Variants in G6PC1 observed in about 807,000 individuals in gnomAD.
G6PC1 encodes the protein glucose-6-phosphatase catalytic subunit 1, also known as G-6-Pase.
Under a neutral mutation model 30.4 loss-of-function variants are expected in G6PC1, and 23 were observed. The ratio of observed to expected loss-of-function variants is 0.76; its 90% CI spans 0.55 to 1.07. The LOEUF (loss-of-function observed/expected upper bound fraction) is 1.07, where lower values mean the gene tolerates loss of function less well. Among genes scored for constraint, G6PC1 ranks in the 50% least tolerant of loss-of-function variants. The pLI is 0.00. For synonymous variants in G6PC1, 163 were observed against 175.6 expected, an observed-to-expected ratio of 0.93 and a Z score of 0.57; for missense variants, 391 against 433.9, an observed-to-expected ratio of 0.90 and a Z score of 0.88.
rs2056098829 is a variant in G6PC1 at position 42,911,872 on chromosome 17, G to T, written c.*446G>T. On this transcript the variant is annotated 3_prime_UTR_variant, in exon 5 of 5. Transcript: ENST00000253801. ...TTTGAAAAGCTAATGAAGCTATTGAGAAAGACCTGTTGCTAGAAGTTGGGT... is the reference window on the plus strand; with the variant it reads ...TTTGAAAAGCTAATGAAGCTATTGATAAAGACCTGTTGCTAGAAGTTGGGT... 1 of 197,008 alleles carries T rather than the reference G, an allele frequency of 5.1e-6. No individual in the cohort carries two copies. Among genetic ancestry groups the T allele is most frequent in the Non-Finnish European group, 1.1e-5 (1 of 94,652 alleles). 12.2% of individuals were successfully genotyped at this position (197,008 alleles called of 1,614,324 possible).
At chr17:42,909,983 C>A (rs550731327) in intron 4 of G6PC1, among the ~76,000 whole-genome samples, 1 of 152,020 alleles carries the variant, frequency 6.6e-6, no homozygotes, top group Admixed American at 6.6e-5. Flanking sequence ...CTGCCTCAGC[C>A]TCTCCGAGTA....
At chr17:42,903,469 T>A (rs1436104379) in intron 1 of G6PC1, among the ~76,000 whole-genome samples, 1 of 151,756 alleles carries the variant, frequency 6.6e-6, no homozygotes, top group African/African-American at 2.4e-5. Flanking sequence ...ATCCCAGCAC[T>A]TTGGGAGGCT....
intron 2 of G6PC1, among the ~76,000 whole-genome samples, chr17:42,906,839 C>T (rs879329899): frequency 1.3e-5 from 2 of 152,032 alleles, no homozygotes; most frequent in African/African-American, 2.4e-5. Context: ...ATGATCATGG[C>T]ACTGCATTGC....
Position 42,907,617 on chromosome 17 carries a change from C to G in G6PC1, c.435C>G (p.Thr145=), listed in dbSNP as rs745770086. ...TCTTTCAGGGAAAGATAAAGCCGAC[C>G]TACAGATTTCGGTAAGAACTCACCA... ...LSIFQGKIKP[T]YRFRCLNVIL... The change falls in exon 3 of 5, where the codon ACC becomes ACG. Residue 145 remains threonine, a synonymous_variant. Transcript: ENST00000253801. The G allele has an allele frequency of 9.9e-6, 16 of 1,612,954 alleles. No homozygotes were observed. The highest frequency in any genetic ancestry group is 1.4e-5 in the Non-Finnish European group (16 of 1,179,112).
intron 2 of G6PC1, among the ~76,000 whole-genome samples, chr17:42,904,894 C>T (rs2056048801): frequency 6.6e-6 from 1 of 152,156 alleles, no homozygotes; most frequent in South Asian, 2.1e-4. Context: ...GGTAGATCAC[C>T]TGAGGTCAGG....
chr17:42,908,392 AC>A (rs2056074646), intron 3 of G6PC1, among the ~76,000 whole-genome samples: 1 of 149,150 alleles, frequency 6.7e-6, no homozygotes, highest in Non-Finnish European at 1.5e-5. Flanking sequence ...ACAAGGGTTA[AC>A]CACTTGCCAC....
rs562533427 is a variant in G6PC1, at chr17:42,907,539, T to C, written c.357T>C (p.His119=). The change falls in exon 3 of 5, where the codon CAT becomes CAC. Residue 119 remains histidine (H), a synonymous_variant. Transcript: ENST00000253801. ...CETGPGSPSG[H]AMGTAGVYYV... is the part of the protein sequence containing the mutation. ...GCCCTTTAGGGAGCCCCTCTGGCCATGCCATGGGCACAGCAGGTGTATACT... is the reference window on the plus strand; with the variant it reads ...GCCCTTTAGGGAGCCCCTCTGGCCACGCCATGGGCACAGCAGGTGTATACT... The C allele has an allele frequency of 1.9e-6, 3 of 1,613,668 alleles. No homozygotes were observed. Among genetic ancestry groups the C allele is most frequent in the African/African-American group, 1.3e-5 (1 of 75,018 alleles).
At chr17:42,908,438 G>A (rs1000888072) in intron 3 of G6PC1, among the ~76,000 whole-genome samples, 15 of 144,180 alleles carry the variant, frequency 1.0e-4, no homozygotes, top group African/African-American at 3.1e-4. Context: ...ACGGAATCTC[G>A]CTCTGTTGCC....
intron 1 of G6PC1, among the ~76,000 whole-genome samples, chr17:42,901,439 C>A (rs2151929282): frequency 6.6e-6 from 1 of 152,180 alleles, no homozygotes; most frequent in East Asian, 1.9e-4. Flanking sequence ...TGTATGGGGC[C>A]AGGCATGGTG....
rs756944737 is a variant in G6PC1, at chr17:42,910,986, A to T, written c.634A>T (p.Ile212Phe). The T allele has an allele frequency of 1.3e-5, 21 of 1,614,114 alleles. No homozygotes were observed. The highest frequency in any genetic ancestry group is 1.8e-5 in the Non-Finnish European group (21 of 1,180,014). The change falls in exon 5 of 5, where the codon ATT (isoleucine) becomes TTT (phenylalanine). Residue 212 changes from isoleucine to phenylalanine, a missense_variant. Ile to Phe is a conservative substitution (Grantham distance 21). Coordinates refer to ENST00000253801, the MANE Select transcript of G6PC1 (RefSeq NM_000151.4). ...YNASLKKYFL[I>F]TFFLFSFAIG... ...TGCCAGCCTCAAGAAATATTTTCTCATTACCTTCTTCCTGTTCAGCTTCGC... is the reference window on the plus strand; with the variant it reads ...TGCCAGCCTCAAGAAATATTTTCTCTTTACCTTCTTCCTGTTCAGCTTCGC...
rs2056112079 is a variant in G6PC1 at position 42,914,054 on chromosome 17, C to G, written c.*2628C>G. Among the ~76,000 whole-genome samples the G allele has an allele frequency of 6.6e-6, 1 of 151,956 alleles. No individual in the cohort carries two copies. Among genetic ancestry groups the G allele is most frequent in the Admixed American group, 6.6e-5 (1 of 15,246 alleles). On this transcript the variant is annotated 3_prime_UTR_variant, in exon 5 of 5. Transcript: ENST00000253801. ...TCAGAGGGCGTTGTGGGAACCAGGC[C>G]CCTCACAGAATCAAATGGTCCCAAC... is the stretch of plus-strand genomic sequence containing the variant.
intron 2 of G6PC1, 136 bp from the exon 3 acceptor site, chr17:42,907,387 A>C: frequency 1.5e-6 from 1 of 675,052 alleles, no homozygotes. Context: ...GGGTGAACGG[A>C]TGGATGGGGG....
At chr17:42,904,976 A>G (rs2056049465) in intron 2 of G6PC1, among the ~76,000 whole-genome samples, 1 of 151,524 alleles carries the variant, frequency 6.6e-6, no homozygotes. Context: ...GTCAGGCGTG[A>G]TGGCACACGC....
chr17:42,905,955 A>G (rs2056059780), intron 2 of G6PC1, among the ~76,000 whole-genome samples: 1 of 151,844 alleles, frequency 6.6e-6, no homozygotes, highest in African/African-American at 2.4e-5. Context: ...CTGCGGCAGG[A>G]GAATCACTTC....
chr17:42,904,134 TC>T, intron 2 of G6PC1, 94 bp downstream of exon 2: 1 of 847,472 alleles, frequency 1.2e-6, no homozygotes, highest in South Asian at 1.3e-5. Context: ...GGAGAGCCAT[TC>T]CTTTGTACTT....
Position 42,901,021 on chromosome 17 carries a change from A to G in G6PC1, c.145A>G (p.Ile49Val), listed in dbSNP as rs1399015558. The G allele has an allele frequency of 6.2e-7, 1 of 1,614,034 alleles. No homozygotes were observed. The highest frequency in any genetic ancestry group is 1.3e-5 in the African/African-American group (1 of 74,912). The change falls in exon 1 of 5, where the codon ATC becomes GTC. Residue 49 changes from isoleucine (I) to valine (V), a missense_variant. Ile to Val is a conservative substitution (Grantham distance 29, BLOSUM62 3). Transcript: ENST00000253801. ...LRNAFYVLFPIWFHLQEAVGI... is the reference protein window; with the variant it reads ...LRNAFYVLFPVWFHLQEAVGI... ...GAATGCCTTCTACGTCCTCTTCCCC[A>G]TCTGGTTCCATCTTCAGGAAGCTGT... is the stretch of plus-strand genomic sequence containing the variant.
chr17:42,910,664 G>A (rs1192535526), intron 4 of G6PC1, among the ~76,000 whole-genome samples: 1 of 152,192 alleles, frequency 6.6e-6, no homozygotes, highest in Non-Finnish European at 1.5e-5. Flanking sequence ...AGAGATAGGA[G>A]GACCTCCTGG....
rs532763969 is a variant in G6PC1 at position 42,907,561 on chromosome 17, T to C, written c.379T>C (p.Tyr127His). The C allele has an allele frequency of 1.2e-6, 2 of 1,614,080 alleles. No homozygotes were observed. The highest frequency in any genetic ancestry group is 1.7e-6 in the Non-Finnish European group (2 of 1,179,978). ...CCATGCCATGGGCACAGCAGGTGTA[T>C]ACTACGTGATGGTCACATCTACTCT... ...SGHAMGTAGV[Y>H]YVMVTSTLSI... The change falls in exon 3 of 5, where the codon TAC becomes CAC. Residue 127 changes from tyrosine (Y) to histidine (H), a missense_variant. Tyr to His is a moderately conservative substitution (Grantham distance 83, BLOSUM62 2). Transcript: ENST00000253801.
intron 2 of G6PC1, among the ~76,000 whole-genome samples, chr17:42,905,372 C>T (rs997410249): frequency 1.4e-5 from 2 of 146,224 alleles, no homozygotes; most frequent in African/African-American, 5.1e-5. Flanking sequence ...GCCAAGATTG[C>T]GCCATTGCAC....
Sources: gnomAD v4.1 joint callset for allele counts (sites outside exome capture counted in the v4.1 genomes callset) on GRCh38, gnomAD v4.1.1 for gene constraint, MANE v1.5 for transcripts, NCBI Gene and HGNC (gene_info 2026-07-23, HGNC 2026-07-21) for gene names.